The following BMPR2 variants were observed in gnomAD, a reference collection of about 807,000 sequenced individuals.
BMPR2 encodes the protein bone morphogenetic protein receptor type-2.
Under a neutral mutation model 100.8 loss-of-function variants are expected in BMPR2, and 29 were observed. That is an observed-to-expected ratio of 0.29 (90% CI 0.21 to 0.39). BMPR2 has a LOEUF of 0.39. Ranked by LOEUF, BMPR2 falls within the 10% of genes least tolerant of loss-of-function variation. The probability of loss-of-function intolerance (pLI) is 1.00; values close to 1 mark genes in which losing one functional copy is unlikely to be tolerated. For missense variants in BMPR2, 1,011 were observed against 1,274.5 expected (o/e 0.79, Z 3.15); for synonymous variants, 382 against 442.3 (o/e 0.86, Z 1.71).
chr2:202,422,607 T>C (rs1691290347), intron 1 of BMPR2, among the ~76,000 whole-genome samples: 1 of 150,600 alleles, frequency 6.6e-6, no homozygotes, highest in Admixed American at 6.6e-5. Context: ...TGCCCGGCCA[T>C]AAAGTTTTTT....
At chr2:202,557,668 A>C (rs1035086518) in intron 12 of BMPR2, among the ~76,000 whole-genome samples, 2 of 152,194 alleles carry the variant, frequency 1.3e-5, no homozygotes, top group Non-Finnish European at 2.9e-5. Flanking sequence ...ACTCCATCTC[A>C]GGAAAAAAAA....
At position 202,394,986 on chromosome 2, in the gene BMPR2, C is replaced by T. The variant is rs10197665; in HGVS notation, c.76+17436C>T. ...CTGCAACCTCCGCCTCCCGGGCAAG[C>T]GGTTCTCCTGCCTCAACCTCCTGAG... On this transcript the variant is annotated intron_variant, in intron 1 of 12. Transcript: ENST00000374580. 7.8e-3 allele frequency among the ~76,000 whole-genome samples: 1,186 copies of T among 152,048 alleles called. 10 individuals carry two copies. Among genetic ancestry groups the T allele is most frequent in the African/African-American group, 0.025 (1,056 of 41,458 alleles).
intron 1 of BMPR2, among the ~76,000 whole-genome samples, chr2:202,396,908 C>CT (rs1559025302): frequency 2.0e-5 from 3 of 152,136 alleles, no homozygotes. Flanking sequence ...AGCAATTCTC[C>CT]TGCCTCAGCC....
At chr2:202,549,746 C>CAAAAA (rs34226687) in intron 10 of BMPR2, among the ~76,000 whole-genome samples, 1 of 119,484 alleles carries the variant, frequency 8.4e-6, no homozygotes, top group African/African-American at 3.3e-5. Context: ...GACTCTGTCT[C>CAAAAA]AAAAAAAAAA....
chr2:202,401,521 A>G lies in BMPR2; in HGVS notation c.76+23971A>G, dbSNP rs1007974611. ...CGCATTTACCAAGTGTGGCACGCCA[A>G]CTGAAATATCTTCATCTTCTGTATA... On this transcript the variant is annotated intron_variant, in intron 1 of 12. Coordinates refer to ENST00000374580, the MANE Select transcript of BMPR2 (RefSeq NM_001204.7). Among the ~76,000 whole-genome samples, 3 of 152,224 alleles carry G rather than the reference A, an allele frequency of 2.0e-5. No homozygotes were observed. In the East Asian group the frequency reaches 5.8e-4, roughly 29 times the overall value.
chr2:202,418,620 G>C (rs180763275), intron 1 of BMPR2, among the ~76,000 whole-genome samples: 1 of 152,178 alleles, frequency 6.6e-6, no homozygotes, highest in Non-Finnish European at 1.5e-5. Flanking sequence ...GTTCAGAAAG[G>C]GGGGACTTCC....
intron 1 of BMPR2, among the ~76,000 whole-genome samples, chr2:202,423,945 G>A (rs948895182): frequency 3.3e-5 from 5 of 151,832 alleles, no homozygotes; most frequent in African/African-American, 1.2e-4. Flanking sequence ...GTGGTGGCCC[G>A]TGCAGACGTC....
At chr2:202,472,623 C>T (rs953979507) in intron 3 of BMPR2, among the ~76,000 whole-genome samples, 4 of 152,138 alleles carry the variant, frequency 2.6e-5, no homozygotes, top group African/African-American at 7.2e-5. Context: ...TGCACCACTG[C>T]CCTCTAGCCT....
At position 202,386,401 on chromosome 2, in the gene BMPR2, A is replaced by G. The variant is rs569547424; in HGVS notation, c.76+8851A>G. Among the ~76,000 whole-genome samples, 140 of 152,306 alleles carry G rather than the reference A, an allele frequency of 9.2e-4. 1 individual carries two copies. Among genetic ancestry groups the G allele is most frequent in the African/African-American group, 3.2e-3 (132 of 41,582 alleles). ...AGCCTATTCAGCAAATGTCAGTTCT[A>G]TCCTTCCAGTTGTTCAGGCCCCAAA... On this transcript the variant is annotated intron_variant, in intron 1 of 12. Coordinates refer to ENST00000374580, the MANE Select transcript of BMPR2 (RefSeq NM_001204.7).
At chr2:202,440,489 G>A (rs1000563897) in intron 1 of BMPR2, among the ~76,000 whole-genome samples, 3 of 148,962 alleles carry the variant, frequency 2.0e-5, no homozygotes, top group Non-Finnish European at 2.9e-5. Flanking sequence ...CAGACTGGGC[G>A]GCCAGGCAGA....
chr2:202,438,776 A>G lies in BMPR2; in HGVS notation c.77-26033A>G, dbSNP rs77629390. Among the ~76,000 whole-genome samples, 591 of 150,614 alleles carry G rather than the reference A, an allele frequency of 3.9e-3. 47 individuals carry two copies. The highest frequency in any genetic ancestry group is 0.012 in the African/African-American group (494 of 39,964). On this transcript the variant is annotated intron_variant, in intron 1 of 12. Transcript: ENST00000374580. Reference sequence around the variant, plus strand: ...TGTCAAAAATCAGTTCACCATATATATAAGGGTTTATCTCTGAACTCTCAA... The same window carrying G: ...TGTCAAAAATCAGTTCACCATATATGTAAGGGTTTATCTCTGAACTCTCAA...
At chr2:202,535,242 C>G (rs963667626) in intron 9 of BMPR2, among the ~76,000 whole-genome samples, 5 of 151,954 alleles carry the variant, frequency 3.3e-5, no homozygotes, top group Admixed American at 6.5e-5. Context: ...CTCCTCACTT[C>G]CCAGACGGAG....
intron 1 of BMPR2, among the ~76,000 whole-genome samples, chr2:202,405,379 G>A (rs1190146948): frequency 6.6e-6 from 1 of 151,946 alleles, no homozygotes; most frequent in Admixed American, 6.6e-5. Context: ...AAAAATGGGG[G>A]CTCCCTTATT....
chr2:202,513,838 T>TA lies in BMPR2; in HGVS notation c.529+10dup. 6.3e-7 allele frequency: 1 copy of TA among 1,583,694 alleles called. No homozygotes were observed. Among genetic ancestry groups the TA allele is most frequent in the Non-Finnish European group, 8.7e-7 (1 of 1,153,138 alleles). On this transcript the variant is annotated intron_variant, in intron 4 of 12. Transcript: ENST00000374580. ...ATACAGAATGTTGACAGGTAAAAAT[T>TA]ACCATTTTTTGTCCTATTGTTTATT... is the stretch of plus-strand genomic sequence containing the variant.
rs534510457 is a variant in BMPR2 at position 202,527,484 on chromosome 2, A to G, written c.968-3310A>G. On this transcript the variant is annotated intron_variant, in intron 7 of 12. Transcript: ENST00000374580. ...AGCCTGGGCGACGGAGCAAGACTCCATCTCAAAAATAAATAAATAGGCCGG... is the reference window on the plus strand; with the variant it reads ...AGCCTGGGCGACGGAGCAAGACTCCGTCTCAAAAATAAATAAATAGGCCGG... 4.0e-4 allele frequency among the ~76,000 whole-genome samples: 60 copies of G among 148,246 alleles called. 1 individual carries two copies. The South Asian group carries it at 0.013, about 32-fold the overall frequency.
intron 3 of BMPR2, among the ~76,000 whole-genome samples, chr2:202,497,555 T>A (rs1287627207): frequency 1.3e-5 from 2 of 152,164 alleles, no homozygotes; most frequent in African/African-American, 2.4e-5. Flanking sequence ...ACTTCTGGAC[T>A]GAGTCAAGGG....
At chr2:202,378,961 T>C (rs1044187450) in intron 1 of BMPR2, among the ~76,000 whole-genome samples, 1 of 152,192 alleles carries the variant, frequency 6.6e-6, no homozygotes, top group Non-Finnish European at 1.5e-5. Flanking sequence ...TCATTTATGA[T>C]GACGTGCTCA....
At chr2:202,453,201 CTGTCT>C (rs1271845553) in intron 1 of BMPR2, among the ~76,000 whole-genome samples, 3 of 87,028 alleles carry the variant, frequency 3.4e-5, no homozygotes, top group African/African-American at 4.2e-5. Flanking sequence ...TTAATATATA[CTGTCT>C]TTTTTTTTTT....
chr2:202,434,933 A>ATATATATATATATATT lies in BMPR2; in HGVS notation c.77-29873_77-29872insATATATATATATTTAT, dbSNP rs1483284948. Among the ~76,000 whole-genome samples, 30 of 82,000 alleles carry ATATATATATATATATT rather than the reference A, an allele frequency of 3.7e-4. 1 individual carries two copies. The highest frequency in any genetic ancestry group is 1.1e-3 in the African/African-American group (22 of 19,762). The allele number at this position is 82,000 out of a possible 152,430, so 53.8% of individuals were successfully genotyped here. On this transcript the variant is annotated intron_variant, in intron 1 of 12. Transcript: ENST00000374580. ...AATATATATATATATATATATATAT[A>ATATATATATATATATT]TATTTATTTATTTATTTACGTCTAT...
Sources: gnomAD v4.1 joint callset for allele counts (sites outside exome capture counted in the v4.1 genomes callset) on GRCh38, gnomAD v4.1.1 for gene constraint, MANE v1.5 for transcripts, NCBI Gene and HGNC (gene_info 2026-07-23, HGNC 2026-07-21) for gene names.